Variants in KHDRBS2 observed in about 807,000 individuals in gnomAD.
KHDRBS2 encodes the protein KH RNA binding domain containing, signal transduction associated 2, also known as KH domain-containing, RNA-binding, signal transduction-associated protein 2.
In KHDRBS2, 26 loss-of-function variants were observed where a neutral mutation model predicts 44.3. That is an observed-to-expected ratio of 0.59 (90% confidence interval 0.43 to 0.81). KHDRBS2 has a LOEUF of 0.81. KHDRBS2 is among the 40% of genes least tolerant of loss of function. The pLI is 0.00. For missense variants in KHDRBS2, 476 were observed against 433.1 expected, an observed-to-expected ratio of 1.10 and a Z score of -0.88; for synonymous variants, 194 against 151.1, an observed-to-expected ratio of 1.28 and a Z score of -2.08.
chr6:62,147,186 T>C (rs1814126245), intron 2 of KHDRBS2, among the ~76,000 whole-genome samples: 1 of 151,728 alleles, frequency 6.6e-6, no homozygotes, highest in Non-Finnish European at 1.5e-5. Context: ...AGTTTAGAAG[T>C]TTGCACTGTG....
chr6:61,737,583 C>A (rs934269651), intron 6 of KHDRBS2, among the ~76,000 whole-genome samples: 7 of 151,996 alleles, frequency 4.6e-5, no homozygotes, highest in African/African-American at 1.7e-4. Flanking sequence ...ATCCTTATTG[C>A]ATAAATCAGA....
intron 6 of KHDRBS2, among the ~76,000 whole-genome samples, chr6:61,758,093 G>A (rs1340360141): frequency 6.6e-5 from 10 of 152,004 alleles, no homozygotes; most frequent in Admixed American, 6.6e-4. Context: ...TCACTTCTCT[G>A]TTCTCAATTC....
chr6:62,005,766 G>A (rs549530217), intron 3 of KHDRBS2, among the ~76,000 whole-genome samples: 13 of 151,580 alleles, frequency 8.6e-5, no homozygotes, highest in African/African-American at 3.1e-4. Context: ...AAAACCTATA[G>A]TTATGAAATA....
intron 2 of KHDRBS2, among the ~76,000 whole-genome samples, chr6:62,119,957 C>A (rs1807213240): frequency 2.0e-5 from 3 of 152,114 alleles, no homozygotes; most frequent in Non-Finnish European, 4.4e-5. Context: ...GTGCACTACT[C>A]CCCAAAAGAA....
At chr6:61,653,364 T>C in the KHDRBS2 span, among the ~76,000 whole-genome samples, 1 of 152,116 alleles carries the variant, frequency 6.6e-6, no homozygotes, top group African/African-American at 2.4e-5. Flanking sequence ...AACAAGTCTG[T>C]TACATGTTTG....
chr6:62,185,444 C>T (rs1385623463), intron 1 of KHDRBS2, among the ~76,000 whole-genome samples: 1 of 151,926 alleles, frequency 6.6e-6, no homozygotes, highest in Non-Finnish European at 1.5e-5. Flanking sequence ...GAATACTGGT[C>T]TAATTCCACA....
chr6:62,116,428 G>T (rs565984495), intron 2 of KHDRBS2, among the ~76,000 whole-genome samples: 1 of 151,878 alleles, frequency 6.6e-6, no homozygotes, highest in South Asian at 2.1e-4. Context: ...AGTCTATATG[G>T]TATTTGTCTT....
At chr6:61,656,784 T>C in the KHDRBS2 span, among the ~76,000 whole-genome samples, 3 of 151,956 alleles carry the variant, frequency 2.0e-5, no homozygotes, top group Admixed American at 6.6e-5. Context: ...ATTACGGTTG[T>C]ATTCAAGATG....
the KHDRBS2 span, among the ~76,000 whole-genome samples, chr6:61,590,324 G>C: frequency 6.6e-6 from 1 of 152,158 alleles, no homozygotes; most frequent in Admixed American, 6.5e-5. Flanking sequence ...CAGACACATG[G>C]AGATGTCTTG....
chr6:61,574,538 C>T, the KHDRBS2 span: 20 of 549,192 alleles, frequency 3.6e-5, no homozygotes, highest in East Asian at 2.4e-4. Context: ...ACCCAACCTC[C>T]GAGCAACATA....
the KHDRBS2 span, among the ~76,000 whole-genome samples, chr6:61,542,867 G>C: frequency 8.6e-5 from 13 of 152,020 alleles, no homozygotes; most frequent in South Asian, 2.3e-3. Flanking sequence ...ATTTGGCCCT[G>C]CTGGAAACAG....
chr6:61,999,966 CA>C (rs1270522923), intron 3 of KHDRBS2, among the ~76,000 whole-genome samples: 2 of 152,044 alleles, frequency 1.3e-5, no homozygotes, highest in Admixed American at 6.6e-5. Context: ...AATAGCAAAA[CA>C]AAAACTATTA....
At chr6:61,785,459 T>G (rs1783656925) in intron 6 of KHDRBS2, among the ~76,000 whole-genome samples, 2 of 152,126 alleles carry the variant, frequency 1.3e-5, no homozygotes, top group South Asian at 4.1e-4. Context: ...TAGTAATATA[T>G]TTTTAGGACT....
At chr6:61,702,910 T>G (rs1335022633) in intron 7 of KHDRBS2, among the ~76,000 whole-genome samples, 2 of 151,786 alleles carry the variant, frequency 1.3e-5, no homozygotes, top group Non-Finnish European at 2.9e-5. Context: ...ATATTTTGAG[T>G]CAATGCAGCT....
At chr6:61,688,960 G>T (rs742782) in intron 8 of KHDRBS2, among the ~76,000 whole-genome samples, 1 of 151,490 alleles carries the variant, frequency 6.6e-6, no homozygotes, top group African/African-American at 2.4e-5. Context: ...TGGTCATGCC[G>T]GGAAGACTAA....
intron 3 of KHDRBS2, among the ~76,000 whole-genome samples, chr6:62,011,699 G>GT (rs538414156): frequency 6.9e-4 from 105 of 152,086 alleles, no homozygotes; most frequent in African/African-American, 1.1e-3. Flanking sequence ...TTTATTGGTA[G>GT]TTTTTTTATG....
intron 6 of KHDRBS2, among the ~76,000 whole-genome samples, chr6:61,893,296 TG>T (rs1430665465): frequency 6.6e-6 from 1 of 152,216 alleles, no homozygotes; most frequent in East Asian, 1.9e-4. Context: ...TTTACACTGT[TG>T]GTGCGACTGT....
chr6:61,574,396 G>T, the KHDRBS2 span: 166 of 1,524,266 alleles, frequency 1.1e-4, 1 homozygote, highest in East Asian at 3.2e-3. Context: ...TGAAGAGGCG[G>T]ACATAATACA....
At chr6:62,054,094 C>G (rs1428804359) in intron 2 of KHDRBS2, among the ~76,000 whole-genome samples, 1 of 152,032 alleles carries the variant, frequency 6.6e-6, no homozygotes, top group Non-Finnish European at 1.5e-5. Context: ...GTATAGATTT[C>G]TAGTCTTCTA....
Sources: gnomAD v4.1 joint callset for allele counts (sites outside exome capture counted in the v4.1 genomes callset) on GRCh38, gnomAD v4.1.1 for gene constraint, MANE v1.5 for transcripts, NCBI Gene and HGNC (gene_info 2026-07-23, HGNC 2026-07-21) for gene names.